PRKCB: variants seen among roughly 807,000 people sequenced by gnomAD.
PRKCB encodes protein kinase C beta.
A neutral mutation model predicts 81.5 loss-of-function variants in PRKCB; 13 were observed. That is an observed-to-expected ratio of 0.16 (90% CI 0.10 to 0.25). The LOEUF (loss-of-function observed/expected upper bound fraction) is 0.25. PRKCB is among the 10% of genes least tolerant of loss of function. The pLI is 1.00. For synonymous variants in PRKCB, 335 were observed against 321.4 expected (o/e 1.04, Z -0.45); for missense variants, 509 against 875.7 (o/e 0.58, Z 5.29).
chr16:23,837,895 G>C (rs1407700067), intron 2 of PRKCB, among the ~76,000 whole-genome samples: 1 of 152,206 alleles, frequency 6.6e-6, no homozygotes, highest in East Asian at 1.9e-4. Flanking sequence ...TGTCGCCTGG[G>C]CCTCCTCTCT....
At chr16:24,198,423 C>T (rs1228197577) in intron 16 of PRKCB, among the ~76,000 whole-genome samples, 2 of 152,198 alleles carry the variant, frequency 1.3e-5, no homozygotes, top group Non-Finnish European at 2.9e-5. Flanking sequence ...GAAGACAACC[C>T]AGGTAGCAGC....
chr16:23,924,146 A>G (rs376113364), intron 2 of PRKCB, among the ~76,000 whole-genome samples: 2 of 151,226 alleles, frequency 1.3e-5, no homozygotes, highest in African/African-American at 2.4e-5. Context: ...TTCTCATGAT[A>G]CTGAGTGAGT....
chr16:24,112,247 CAA>C (rs979946855), intron 7 of PRKCB, among the ~76,000 whole-genome samples: 4 of 152,176 alleles, frequency 2.6e-5, no homozygotes, highest in African/African-American at 7.2e-5. Context: ...AAGAGCATGA[CAA>C]GAGTGTATTT....
intron 2 of PRKCB, among the ~76,000 whole-genome samples, chr16:23,865,768 T>A (rs539619683): frequency 5.3e-5 from 8 of 151,370 alleles, no homozygotes; most frequent in Non-Finnish European, 8.8e-5. Flanking sequence ...ATAGATTGGA[T>A]CCTTTATGCT....
At position 23,911,874 on chromosome 16, in the gene PRKCB, C is replaced by T. The variant is rs538690628; in HGVS notation, c.205+74468C>T. On this transcript the variant is annotated intron_variant, in intron 2 of 16. Transcript: ENST00000643927. ...TTGAGATGGAGTCTCACTGTTTGCC[C>T]GGGCTGGAGTGCAGTGGCAGGATCT... 5.0e-5 allele frequency among the ~76,000 whole-genome samples: 7 copies of T among 139,812 alleles called. No individual in the cohort carries two copies. The East Asian group carries it at 6.6e-4, about 13-fold the overall frequency. 91.7% of individuals were successfully genotyped at this position (139,812 alleles called of 152,430 possible). A position where few individuals can be genotyped will look rare whatever the true frequency, so the allele number is the denominator to read the frequency against.
chr16:24,121,651 G>A (rs1166648017), intron 8 of PRKCB, among the ~76,000 whole-genome samples: 1 of 152,050 alleles, frequency 6.6e-6, no homozygotes, highest in Non-Finnish European at 1.5e-5. Flanking sequence ...TGTGATTACA[G>A]GCATCAGCCA....
chr16:23,977,223 G>C (rs1246683838), intron 2 of PRKCB, among the ~76,000 whole-genome samples: 1 of 152,200 alleles, frequency 6.6e-6, no homozygotes, highest in Non-Finnish European at 1.5e-5. Flanking sequence ...TGTGCAAACA[G>C]AATGGGGTTA....
chr16:24,098,507 T>C (rs952365972), intron 7 of PRKCB: 2 of 152,228 alleles, frequency 1.3e-5, no homozygotes, highest in Admixed American at 6.5e-5. Context: ...CCCAACACTT[T>C]GGGAGGCTGA....
intron 10 of PRKCB, among the ~76,000 whole-genome samples, chr16:24,163,669 T>C (rs1967299337): frequency 6.6e-6 from 1 of 152,230 alleles, no homozygotes; most frequent in South Asian, 2.1e-4. Flanking sequence ...TGCAAGGCTA[T>C]AAAATACAGA....
chr16:24,219,657 CACACACACACACACACA>C lies in PRKCB; in HGVS notation c.*4842_*4858del, dbSNP rs1567417781. 7,950 of 633,436 alleles carry C rather than the reference CACACACACACACACACA, an allele frequency of 0.013. 330 individuals carry two copies. In the African/African-American group the frequency reaches 0.15, roughly 12 times the overall value. 39.2% of individuals were successfully genotyped at this position (633,436 alleles called of 1,614,324 possible). On this transcript the variant is annotated 3_prime_UTR_variant, in exon 17 of 17. Coordinates refer to ENST00000643927, the MANE Select transcript of PRKCB (RefSeq NM_002738.7). Reference sequence around the variant, plus strand: ...CCTAAAGCCAAAGAAAATACAGCAACACACACACACACACACACACACACACACACACACACACACAC... The same window carrying C: ...CCTAAAGCCAAAGAAAATACAGCAACCACACACACACACACACACACACAC...
intron 2 of PRKCB, among the ~76,000 whole-genome samples, chr16:23,899,642 C>G (rs1427795024): frequency 0.12 from 595 of 5,054 alleles, 57 homozygotes; most frequent in African/African-American, 0.13. Context: ...CTCTCTCTCT[C>G]TCTGTGTGTG....
intron 16 of PRKCB, among the ~76,000 whole-genome samples, chr16:24,198,510 A>G (rs909869734): frequency 6.6e-6 from 1 of 151,984 alleles, no homozygotes; most frequent in African/African-American, 2.4e-5. Flanking sequence ...TCTGCTTTTT[A>G]TTTATTTGTT....
At chr16:23,896,883 A>G (rs866757933) in intron 2 of PRKCB, among the ~76,000 whole-genome samples, 1 of 149,146 alleles carries the variant, frequency 6.7e-6, no homozygotes, top group Admixed American at 6.7e-5. Flanking sequence ...CATCCATCCA[A>G]CCATCCATCC....
chr16:24,218,090 A>T lies in PRKCB; in HGVS notation c.*3274A>T, dbSNP rs188939352. The T allele has an allele frequency of 1.5e-4, 152 of 985,236 alleles. 3 individuals carry two copies. The African/African-American group carries it at 2.3e-3, about 15-fold the overall frequency. The allele number at this position is 985,236 out of a possible 1,614,324, so 61.0% of individuals were successfully genotyped here. The stretch of plus-strand genomic sequence containing the variant: ...GCACTATTCTTAGCACTGGAAATAC[A>T]CTAGTGAAGAAGCAGATGAGGACCC... On this transcript the variant is annotated 3_prime_UTR_variant, in exon 17 of 17. Transcript: ENST00000643927.
chr16:23,916,614 G>A (rs191604649), intron 2 of PRKCB, among the ~76,000 whole-genome samples: 1 of 152,114 alleles, frequency 6.6e-6, no homozygotes, highest in Non-Finnish European at 1.5e-5. Flanking sequence ...TATACTTCTG[G>A]AAATAGTTCA....
intron 2 of PRKCB, among the ~76,000 whole-genome samples, chr16:23,907,425 C>A (rs1963577390): frequency 6.6e-6 from 1 of 152,192 alleles, no homozygotes. Context: ...ATACCACATG[C>A]CCAGCTAATT....
chr16:24,034,791 G>A (rs1567351817), intron 4 of PRKCB, among the ~76,000 whole-genome samples: 1 of 152,006 alleles, frequency 6.6e-6, no homozygotes, highest in Non-Finnish European at 1.5e-5. Context: ...GTCTCAGTTT[G>A]GAACAACTCT....
chr16:24,213,098 G>A (rs778434092), intron 16 of PRKCB, among the ~76,000 whole-genome samples: 12 of 151,864 alleles, frequency 7.9e-5, no homozygotes, highest in Admixed American at 6.6e-5. Flanking sequence ...GCAGTGGCGC[G>A]ATCTCAGCCG....
chr16:23,869,847 C>T (rs977243825), intron 2 of PRKCB, among the ~76,000 whole-genome samples: 5 of 152,042 alleles, frequency 3.3e-5, no homozygotes, highest in African/African-American at 9.7e-5. Flanking sequence ...CATGGTGACA[C>T]TCCATCTCTA....
Sources: gnomAD v4.1 joint callset for allele counts (sites outside exome capture counted in the v4.1 genomes callset) on GRCh38, gnomAD v4.1.1 for gene constraint, MANE v1.5 for transcripts, NCBI Gene and HGNC (gene_info 2026-07-23, HGNC 2026-07-21) for gene names.